PRKN: variants seen among roughly 807,000 people sequenced by gnomAD.
PRKN encodes E3 ubiquitin-protein ligase parkin.
PRKN carries 56 observed loss-of-function variants against 59.5 expected under a neutral mutation model. The observed-to-expected ratio is 0.94, with a 90% CI of 0.76 to 1.18. The LOEUF (loss-of-function observed/expected upper bound fraction) is 1.18. PRKN is among the 50% of genes most tolerant of loss of function. The pLI is 0.00. For synonymous variants in PRKN, 250 were observed against 222.1 expected (o/e 1.13, Z -1.12); for missense variants, 657 against 596.4 (o/e 1.10, Z -1.06).
At chr6:161,759,467 T>C (rs1333048167) in intron 7 of PRKN, among the ~76,000 whole-genome samples, 1 of 150,072 alleles carries the variant, frequency 6.7e-6, no homozygotes, top group Non-Finnish European at 1.5e-5. Context: ...ATGTCCCATT[T>C]TGACTTGTAA....
At chr6:162,327,900 CAG>C (rs1399064483) in intron 2 of PRKN, among the ~76,000 whole-genome samples, 3 of 152,218 alleles carry the variant, frequency 2.0e-5, no homozygotes, top group South Asian at 4.1e-4. Flanking sequence ...AGAGAATCAC[CAG>C]AGTCTTCCCC....
intron 2 of PRKN, among the ~76,000 whole-genome samples, chr6:162,303,884 G>C (rs1782083608): frequency 6.6e-6 from 1 of 152,096 alleles, no homozygotes; most frequent in Admixed American, 6.6e-5. Flanking sequence ...GGGCCAGGAG[G>C]AGGCAATGGG....
intron 7 of PRKN, among the ~76,000 whole-genome samples, chr6:161,652,322 C>A (rs1243513808): frequency 1.3e-5 from 2 of 151,538 alleles, no homozygotes; most frequent in Admixed American, 1.3e-4. Flanking sequence ...CAAGGTATGG[C>A]AGCAAAAATC....
chr6:162,298,764 G>C (rs1781808097), intron 2 of PRKN, among the ~76,000 whole-genome samples: 1 of 151,990 alleles, frequency 6.6e-6, no homozygotes, highest in South Asian at 2.1e-4. Flanking sequence ...GCTGTTTCTT[G>C]ACCCTGTGCC....
intron 3 of PRKN, among the ~76,000 whole-genome samples, chr6:162,213,806 CACACA>C: frequency 1.5e-3 from 2 of 1,308 alleles, no homozygotes; most frequent in African/African-American, 7.4e-3. Context: ...AAAAACCATA[CACACA>C]CACACACACA....
chr6:162,280,385 T>C (rs1340756759), intron 2 of PRKN, among the ~76,000 whole-genome samples: 1 of 152,082 alleles, frequency 6.6e-6, no homozygotes. Context: ...TAAGGTAGTG[T>C]CAAGGGGGAA....
chr6:162,706,010 C>T (rs1181531204), intron 1 of PRKN, among the ~76,000 whole-genome samples: 1 of 151,948 alleles, frequency 6.6e-6, no homozygotes, highest in East Asian at 1.9e-4. Flanking sequence ...TGCTAATCAA[C>T]GGGAGTCACA....
At chr6:161,919,475 T>C (rs1316184540) in intron 6 of PRKN, among the ~76,000 whole-genome samples, 1 of 152,188 alleles carries the variant, frequency 6.6e-6, no homozygotes, top group African/African-American at 2.4e-5. Flanking sequence ...GAACTGGACA[T>C]ATACCTGGAG....
rs540518364 is a variant in PRKN at position 161,369,251 on chromosome 6, G to A, written c.1168-9046C>T. 1.7e-4 allele frequency among the ~76,000 whole-genome samples: 26 copies of A among 152,298 alleles called. No individual in the cohort carries two copies. Among genetic ancestry groups the A allele is most frequent in the Admixed American group, 2.6e-4 (4 of 15,310 alleles). On this transcript the variant is annotated intron_variant, in intron 10 of 11. Transcript: ENST00000366898. This position sits in a 1 kb window ranked among gnomAD's most constrained non-coding sequence, Gnocchi z 5.8. ...CCCACAGGTTCAAGATCACCAAAGC[G>A]ATTCTAAAAATGATCCCAAGGCTTG...
intron 2 of PRKN, among the ~76,000 whole-genome samples, chr6:162,383,357 A>G (rs1046987193): frequency 1.3e-5 from 2 of 152,232 alleles, no homozygotes; most frequent in African/African-American, 4.8e-5. Context: ...GCAAGCATGA[A>G]AACAACATTC....
chr6:162,385,037 C>A lies in PRKN; in HGVS notation c.171+58273G>T, dbSNP rs145451886. 6.9e-3 allele frequency among the ~76,000 whole-genome samples: 1,050 copies of A among 152,118 alleles called. 8 individuals carry two copies. The highest frequency in any genetic ancestry group is 0.054 in the Middle Eastern group (16 of 294). On this transcript the variant is annotated intron_variant, in intron 2 of 11. Coordinates refer to ENST00000366898, the MANE Select transcript of PRKN (RefSeq NM_004562.3). ...TAGTTTTAGACATAGTATTTCCCCCCTCATGAAATTTAACTCCTGCAGCCT... is the reference window on the plus strand; with the variant it reads ...TAGTTTTAGACATAGTATTTCCCCCATCATGAAATTTAACTCCTGCAGCCT...
intron 4 of PRKN, among the ~76,000 whole-genome samples, chr6:162,098,152 T>A (rs1562511593): frequency 6.6e-6 from 1 of 152,224 alleles, no homozygotes; most frequent in Non-Finnish European, 1.5e-5. Flanking sequence ...TGAAGTGCCT[T>A]AGTATAGTCT....
chr6:162,119,612 C>T lies in PRKN; in HGVS notation c.535-65438G>A, dbSNP rs566365191. 1.1e-4 allele frequency among the ~76,000 whole-genome samples: 16 copies of T among 152,144 alleles called. No individual in the cohort carries two copies. The South Asian group carries it at 3.3e-3, about 32-fold the overall frequency. ...AGTTCCCCAGCAGTGGCGCGCTGTC[C>T]CAGAAGCAGCTGTTTTTTCCCCTCC... On this transcript the variant is annotated intron_variant, in intron 4 of 11. Coordinates refer to ENST00000366898, the MANE Select transcript of PRKN (RefSeq NM_004562.3).
intron 7 of PRKN, among the ~76,000 whole-genome samples, chr6:161,728,456 G>T (rs1787541040): frequency 6.6e-6 from 1 of 152,130 alleles, no homozygotes; most frequent in South Asian, 2.1e-4. Flanking sequence ...ACCTGCCAAG[G>T]TTGAGAGGAA....
intron 1 of PRKN, among the ~76,000 whole-genome samples, chr6:162,492,534 C>T (rs1792862358): frequency 6.6e-6 from 1 of 152,220 alleles, no homozygotes; most frequent in South Asian, 2.1e-4. Context: ...TGCAGTGGCT[C>T]ACACTTGTAA....
At chr6:162,542,082 G>C (rs531347330) in intron 1 of PRKN, among the ~76,000 whole-genome samples, 55 of 152,248 alleles carry the variant, frequency 3.6e-4, no homozygotes, top group Non-Finnish European at 6.6e-4. Flanking sequence ...CAAGTTCCCA[G>C]GTTGCGGAAG....
chr6:161,611,345 G>A (rs911131097), intron 7 of PRKN, among the ~76,000 whole-genome samples: 1 of 152,178 alleles, frequency 6.6e-6, no homozygotes, highest in African/African-American at 2.4e-5. Context: ...GCATTTTACA[G>A]ATGCTGCAGT....
intron 4 of PRKN, among the ~76,000 whole-genome samples, chr6:162,093,997 C>G (rs924509799): frequency 6.6e-6 from 1 of 152,060 alleles, no homozygotes; most frequent in African/African-American, 2.4e-5. Context: ...CAAGGTGTCT[C>G]GGGAATGCAA....
At chr6:162,205,079 T>G (rs949874729) in intron 3 of PRKN, among the ~76,000 whole-genome samples, 2 of 152,030 alleles carry the variant, frequency 1.3e-5, no homozygotes, top group African/African-American at 4.8e-5. Context: ...GCCTGGATGG[T>G]CTTGATCTCT....
Sources: gnomAD v4.1 joint callset for allele counts (sites outside exome capture counted in the v4.1 genomes callset) on GRCh38, gnomAD v4.1.1 for gene constraint, Gnocchi (gnomAD v3.1) non-coding constraint, MANE v1.5 for transcripts, NCBI Gene and HGNC (gene_info 2026-07-23, HGNC 2026-07-21) for gene names.